Variants in ANKRD31 observed in about 807,000 individuals in gnomAD.
The protein encoded by ANKRD31 is ankyrin repeat domain-containing protein 31.
Under a neutral mutation model 186.0 loss-of-function variants are expected in ANKRD31, and 147 were observed. That is an observed-to-expected ratio of 0.79 (90% CI 0.69 to 0.91). The LOEUF is 0.91. ANKRD31 is among the 40% of genes least tolerant of loss of function. The pLI is 0.00. For synonymous variants in ANKRD31, 673 were observed against 736.4 expected, an observed-to-expected ratio of 0.91 and a Z score of 1.39; for missense variants, 1,986 against 2,148.8, an observed-to-expected ratio of 0.92 and a Z score of 1.50.
At chr5:75,113,458 T>C (rs1021839675) in intron 19 of ANKRD31, among the ~76,000 whole-genome samples, 1 of 152,214 alleles carries the variant, frequency 6.6e-6, no homozygotes, top group Admixed American at 6.6e-5. Flanking sequence ...GTACATTATA[T>C]TTCCTCATCA....
intron 17 of ANKRD31, among the ~76,000 whole-genome samples, chr5:75,132,368 C>T (rs188483649): frequency 6.6e-6 from 1 of 152,232 alleles, no homozygotes; most frequent in Admixed American, 6.5e-5. Flanking sequence ...TTATGTGACG[C>T]ATGCACAAGC....
chr5:75,228,214 T>C (rs371601254), intron 2 of ANKRD31, among the ~76,000 whole-genome samples: 3 of 152,246 alleles, frequency 2.0e-5, no homozygotes, highest in Admixed American at 6.5e-5. Flanking sequence ...TCTCCATTAG[T>C]AGCATGCTCA....
chr5:75,081,790 C>T (rs145302742), intron 24 of ANKRD31, among the ~76,000 whole-genome samples: 2 of 151,900 alleles, frequency 1.3e-5, no homozygotes, highest in East Asian at 3.9e-4. Flanking sequence ...AGTACTTTAG[C>T]AATTCCAATT....
chr5:75,199,391 A>C (rs1229027797), intron 6 of ANKRD31, among the ~76,000 whole-genome samples: 1 of 152,206 alleles, frequency 6.6e-6, no homozygotes, highest in Admixed American at 6.5e-5. Flanking sequence ...TCTACTCTAG[A>C]TAAAAAGTAA....
intron 3 of ANKRD31, among the ~76,000 whole-genome samples, chr5:75,217,682 A>G (rs1037305735): frequency 1.3e-5 from 2 of 152,180 alleles, no homozygotes; most frequent in Non-Finnish European, 2.9e-5. Context: ...TGAAGACAGC[A>G]TACCTCTGGG....
chr5:75,072,276 G>A (rs1459019295), intron 25 of ANKRD31, among the ~76,000 whole-genome samples: 5 of 152,056 alleles, frequency 3.3e-5, no homozygotes, highest in African/African-American at 9.7e-5. Flanking sequence ...ACTAAACTCT[G>A]GCTAAAGAGA....
At chr5:75,202,761 A>T (rs1305419444) in intron 5 of ANKRD31, among the ~76,000 whole-genome samples, 2 of 152,202 alleles carry the variant, frequency 1.3e-5, no homozygotes, top group African/African-American at 2.4e-5. Context: ...TTTAACCTAT[A>T]GTCTGGAATT....
intron 3 of ANKRD31, among the ~76,000 whole-genome samples, chr5:75,218,570 A>G (rs1757101593): frequency 6.6e-6 from 1 of 152,154 alleles, no homozygotes; most frequent in South Asian, 2.1e-4. Context: ...ATTGAGGAGG[A>G]GAGACTCATC....
At chr5:75,133,535 A>G (rs557414816) in intron 17 of ANKRD31, among the ~76,000 whole-genome samples, 9 of 152,314 alleles carry the variant, frequency 5.9e-5, no homozygotes, top group Non-Finnish European at 1.2e-4. Flanking sequence ...GTGTACTACA[A>G]AGAGACTTAG....
chr5:75,093,085 G>A (rs1334633915), intron 22 of ANKRD31, among the ~76,000 whole-genome samples: 3 of 152,168 alleles, frequency 2.0e-5, no homozygotes, highest in African/African-American at 7.2e-5. Context: ...AAATGAAAAT[G>A]TCTCAGAGAA....
At chr5:75,159,777 A>G (rs1009866765) in intron 11 of ANKRD31, among the ~76,000 whole-genome samples, 3 of 152,114 alleles carry the variant, frequency 2.0e-5, no homozygotes, top group Non-Finnish European at 4.4e-5. Context: ...CACATGAAAA[A>G]GCCTATGAAT....
intron 25 of ANKRD31, among the ~76,000 whole-genome samples, chr5:75,078,543 A>G (rs1744840373): frequency 6.6e-6 from 1 of 152,190 alleles, no homozygotes; most frequent in Non-Finnish European, 1.5e-5. Flanking sequence ...TTGGGAAATA[A>G]AAGACTTCAG....
At position 75,171,672 on chromosome 5, in the gene ANKRD31, A is replaced by C. The variant is rs1753334817; in HGVS notation, c.1565-2551T>G. Among the ~76,000 whole-genome samples the C allele has an allele frequency of 1.3e-5, 2 of 151,836 alleles. 1 individual carries two copies. Among genetic ancestry groups the C allele is most frequent in the South Asian group, 4.1e-4 (2 of 4,830 alleles). On this transcript the variant is annotated intron_variant, in intron 10 of 25. Transcript: ENST00000506364. ...AGCCATAAATCGATTCTTGAAAAAA[A>C]TCAATAAAATTGAATAATACAACTA...
chr5:75,111,743 A>G (rs1747807112), intron 20 of ANKRD31, among the ~76,000 whole-genome samples: 1 of 152,202 alleles, frequency 6.6e-6, no homozygotes, highest in Admixed American at 6.5e-5. Context: ...CTGAAGTTTG[A>G]GAAAATAAGA....
At chr5:75,109,553 A>C (rs950554284) in intron 20 of ANKRD31, among the ~76,000 whole-genome samples, 3 of 152,210 alleles carry the variant, frequency 2.0e-5, no homozygotes, top group Non-Finnish European at 2.9e-5. Context: ...TAAGTTCCTC[A>C]AAAGATTATT....
At chr5:75,075,880 T>G (rs1405073543) in intron 25 of ANKRD31, among the ~76,000 whole-genome samples, 2 of 152,162 alleles carry the variant, frequency 1.3e-5, no homozygotes, top group Non-Finnish European at 2.9e-5. Flanking sequence ...CCATTAGTAA[T>G]TATTACTGTC....
intron 12 of ANKRD31, among the ~76,000 whole-genome samples, chr5:75,149,831 C>G (rs1405070080): frequency 6.6e-6 from 1 of 151,858 alleles, no homozygotes; most frequent in African/African-American, 2.4e-5. Flanking sequence ...TATACCTTCT[C>G]CAAACCTTTG....
At chr5:75,069,672 A>C (rs1462521618) in intron 25 of ANKRD31, among the ~76,000 whole-genome samples, 1 of 151,890 alleles carries the variant, frequency 6.6e-6, no homozygotes, top group Non-Finnish European at 1.5e-5. Context: ...CAGCCTCCCA[A>C]GTAGCTGGGA....
Position 75,192,778 on chromosome 5 carries a change from T to C in ANKRD31, c.1299-2A>G. The C allele has an allele frequency of 6.6e-7, 1 of 1,523,060 alleles. No individual in the cohort carries two copies. The highest frequency in any genetic ancestry group is 2.5e-5 in the East Asian group (1 of 40,742). The allele number at this position is 1,523,060 out of a possible 1,614,324, so 94.3% of individuals were successfully genotyped here. On this transcript the variant is annotated splice_acceptor_variant, in intron 8 of 25. Coordinates refer to ENST00000506364, the MANE Select transcript of ANKRD31 (RefSeq NM_001372053.1). LOFTEE classifies it high-confidence loss of function. Reference sequence around the variant, plus strand: ...ATCATTAAAGCCGGATCCTGCATTCTTGAAAAACAACGTATTTTTTAAATG... The same window carrying C: ...ATCATTAAAGCCGGATCCTGCATTCCTGAAAAACAACGTATTTTTTAAATG...
Sources: allele counts gnomAD v4.1 joint callset (sites outside exome capture counted in the v4.1 genomes callset), GRCh38; gene constraint gnomAD v4.1.1; transcripts MANE v1.5; gene names NCBI Gene and HGNC (gene_info 2026-07-23, HGNC 2026-07-21).